The following PCDHGA10 variants were observed in gnomAD, a reference collection of about 807,000 sequenced individuals.
PCDHGA10 encodes protocadherin gamma subfamily A, 10.
In PCDHGA10, 42 loss-of-function variants were observed where a neutral mutation model predicts 59.5. The observed-to-expected ratio is 0.71, with a 90% CI of 0.55 to 0.91. The LOEUF (loss-of-function observed/expected upper bound fraction) is 0.91, where lower values mean the gene tolerates loss of function less well. Among genes scored for constraint, PCDHGA10 ranks in the 40% least tolerant of loss-of-function variants. PCDHGA10 has a pLI of 0.00. For synonymous variants in PCDHGA10, 511 were observed against 517.2 expected (o/e 0.99, Z 0.16); for missense variants, 1,111 against 1,198.2 (o/e 0.93, Z 1.07).
intron 1 of PCDHGA10, among the ~76,000 whole-genome samples, chr5:141,465,422 G>A (rs74711061): frequency 0.01 from 1,576 of 152,260 alleles, 21 homozygotes; most frequent in African/African-American, 0.037. Context: ...AGCACTGAAA[G>A]GTGGGCACTT....
intron 1 of PCDHGA10, chr5:141,419,828 AC>A (rs1189387492): frequency 6.2e-7 from 1 of 1,614,022 alleles, no homozygotes; most frequent in Non-Finnish European, 8.5e-7. Flanking sequence ...CCTTTCAGCC[AC>A]TGCCACGCTG....
intron 1 of PCDHGA10, among the ~76,000 whole-genome samples, chr5:141,448,573 AT>A (rs976781630): frequency 1.3e-5 from 2 of 151,652 alleles, no homozygotes; most frequent in East Asian, 1.9e-4. Flanking sequence ...TTATTTCCCC[AT>A]TTTTTTTACA....
At chr5:141,417,452 C>A in intron 1 of PCDHGA10, 1 of 173,536 alleles carries the variant, frequency 5.8e-6, no homozygotes, top group Non-Finnish European at 1.2e-5. Flanking sequence ...ATAGTTATGA[C>A]CAAGTGGAAA....
chr5:141,421,557 C>T (rs764010392), intron 1 of PCDHGA10: 1 of 1,613,932 alleles, frequency 6.2e-7, no homozygotes, highest in South Asian at 1.1e-5. Context: ...TGGAACTTCT[C>T]GTGGAAGACA....
At chr5:141,475,715 C>T (rs989484033) in intron 1 of PCDHGA10, among the ~76,000 whole-genome samples, 1 of 152,366 alleles carries the variant, frequency 6.6e-6, no homozygotes, top group African/African-American at 2.4e-5. Context: ...AGCCTCACAG[C>T]CCCAAGGCTG....
At chr5:141,418,489 G>C (rs774653264) in intron 1 of PCDHGA10, 26 of 1,613,874 alleles carry the variant, frequency 1.6e-5, no homozygotes, top group Admixed American at 1.5e-4. Context: ...CTCACCACTT[G>C]GTACTGACCG....
intron 1 of PCDHGA10, chr5:141,424,529 A>G (rs1308118953): frequency 6.6e-6 from 1 of 152,218 alleles, no homozygotes; most frequent in Non-Finnish European, 1.5e-5. Context: ...AAATCCATAT[A>G]TAGAAATAAC....
At chr5:141,478,478 A>T (rs764926007) in intron 1 of PCDHGA10, 2 of 1,613,740 alleles carry the variant, frequency 1.2e-6, no homozygotes, top group East Asian at 4.5e-5. Flanking sequence ...CCGCCAGAAC[A>T]CGCTGCGGAG....
At chr5:141,436,691 A>G (rs2097840863) in intron 1 of PCDHGA10, among the ~76,000 whole-genome samples, 1 of 152,226 alleles carries the variant, frequency 6.6e-6, no homozygotes, top group Admixed American at 6.5e-5. Context: ...TATATTTTCA[A>G]TGCCAGCACA....
intron 1 of PCDHGA10, among the ~76,000 whole-genome samples, chr5:141,434,345 G>C (rs1254991411): frequency 1.3e-5 from 2 of 152,144 alleles, no homozygotes; most frequent in African/African-American, 4.8e-5. Flanking sequence ...GTCGGGAACA[G>C]GCCCCCCAAA....
chr5:141,433,076 C>G, intron 1 of PCDHGA10: 1 of 1,614,188 alleles, frequency 6.2e-7, no homozygotes, highest in Non-Finnish European at 8.5e-7. Context: ...CTTCCCCCAG[C>G]CCAACTATGC....
chr5:141,477,777 A>G lies in PCDHGA10; in HGVS notation c.2437-17030A>G, dbSNP rs775845004. ...GTCCTAGCCACCAACATCAGCGTGA[A>G]CATATTTGTCACTGATCGCAATGAC... is the stretch of plus-strand genomic sequence containing the variant. On this transcript the variant is annotated intron_variant, in intron 1 of 3. Transcript: ENST00000398610. The surrounding 1 kb of genome is among the most constrained non-coding windows in gnomAD (Gnocchi z 4.9). The G allele has an allele frequency of 1.9e-4, 299 of 1,613,944 alleles. No homozygotes were observed. Among genetic ancestry groups the G allele is most frequent in the Non-Finnish European group, 2.5e-4 (295 of 1,180,048 alleles).
Position 141,490,330 on chromosome 5 carries a change from C to G in PCDHGA10, c.2437-4477C>G. 4 of 1,614,198 alleles carry G rather than the reference C, an allele frequency of 2.5e-6. No homozygotes were observed. Among genetic ancestry groups the G allele is most frequent in the South Asian group, 1.1e-5 (1 of 91,082 alleles). On this transcript the variant is annotated intron_variant, in intron 1 of 3. Coordinates refer to ENST00000398610, the MANE Select transcript of PCDHGA10 (RefSeq NM_018913.3). This position sits in a 1 kb window ranked among gnomAD's most constrained non-coding sequence, Gnocchi z 5.4. ...GGCCAACCCTGTCCTAGAGAGCACACCAGTGGGCACAGTAGTGGGGTTGTT... is the reference window on the plus strand; with the variant it reads ...GGCCAACCCTGTCCTAGAGAGCACAGCAGTGGGCACAGTAGTGGGGTTGTT...
chr5:141,432,281 A>C lies in PCDHGA10; in HGVS notation c.2436+16670A>C, dbSNP rs1313887209. 1 of 1,614,188 alleles carries C rather than the reference A, an allele frequency of 6.2e-7. No individual in the cohort carries two copies. The highest frequency in any genetic ancestry group is 1.1e-5 in the South Asian group (1 of 91,084). On this transcript the variant is annotated intron_variant, in intron 1 of 3. Coordinates refer to ENST00000398610, the MANE Select transcript of PCDHGA10 (RefSeq NM_018913.3). The surrounding 1 kb of genome is among the most constrained non-coding windows in gnomAD (Gnocchi z 6.0). The stretch of plus-strand genomic sequence containing the variant: ...AAGCCTATCGTCCTACGTGTCCATC[A>C]ACTCCGACACTGGGGTACTGTATGC...
At chr5:141,464,470 C>T (rs1175806879) in intron 1 of PCDHGA10, among the ~76,000 whole-genome samples, 3 of 151,194 alleles carry the variant, frequency 2.0e-5, no homozygotes, top group Non-Finnish European at 2.9e-5. Flanking sequence ...GAAGTATGTA[C>T]GTATAATAAA....
chr5:141,448,763 A>AC (rs1372638258), intron 1 of PCDHGA10, among the ~76,000 whole-genome samples: 11 of 151,572 alleles, frequency 7.3e-5, no homozygotes, highest in Admixed American at 5.3e-4. Flanking sequence ...ACACGGTGAA[A>AC]CCCCGTCTGT....
chr5:141,450,734 G>A (rs1365470415), intron 1 of PCDHGA10, among the ~76,000 whole-genome samples: 6 of 151,868 alleles, frequency 4.0e-5, no homozygotes, highest in South Asian at 2.1e-4. Context: ...TGATCCGCCC[G>A]CCTTGGCCTC....
At position 141,485,286 on chromosome 5, in the gene PCDHGA10, A is replaced by G; in HGVS notation, c.2437-9521A>G. The G allele has an allele frequency of 2.5e-6, 4 of 1,614,044 alleles. No individual in the cohort carries two copies. On this transcript the variant is annotated intron_variant, in intron 1 of 3. Transcript: ENST00000398610. This position sits in a 1 kb window ranked among gnomAD's most constrained non-coding sequence, Gnocchi z 5.7. ...CAGATCCGCTACCCGGTCCCAGAGG[A>G]GTCACAGGAAGGGACTTTTGTAGGG...
rs763104309 is a variant in PCDHGA10, at chr5:141,432,042, G to A, written c.2436+16431G>A. 5 of 1,614,090 alleles carry A rather than the reference G, an allele frequency of 3.1e-6. No homozygotes were observed. The African/African-American group carries it at 6.7e-5, about 22-fold the overall frequency. ...ATCACAGTGACCGCCACTGACCGGG[G>A]AACCCCGCCCCTATCCACGGAAACT... On this transcript the variant is annotated intron_variant, in intron 1 of 3. Transcript: ENST00000398610. The surrounding 1 kb of genome is among the most constrained non-coding windows in gnomAD (Gnocchi z 6.0).
Sources: gnomAD v4.1 joint callset for allele counts (sites outside exome capture counted in the v4.1 genomes callset) on GRCh38, gnomAD v4.1.1 for gene constraint, Gnocchi (gnomAD v3.1) non-coding constraint, MANE v1.5 for transcripts, NCBI Gene and HGNC (gene_info 2026-07-23, HGNC 2026-07-21) for gene names.